Variants in SRRM1 observed in about 807,000 individuals in gnomAD.
SRRM1 encodes the protein serine/arginine repetitive matrix protein 1.
SRRM1 carries 19 observed loss-of-function variants against 110.2 expected under a neutral mutation model. The ratio of observed to expected loss-of-function variants is 0.17; its 90% CI spans 0.12 to 0.25. SRRM1 has a LOEUF of 0.25. Among genes scored for constraint, SRRM1 ranks in the 10% least tolerant of loss-of-function variants. The pLI is 1.00. For synonymous variants in SRRM1, 443 were observed against 414.9 expected (o/e 1.07, Z -0.82); for missense variants, 918 against 1,145.8 (o/e 0.80, Z 2.87).
At chr1:24,659,276 G>A (rs756024476) in intron 9 of SRRM1, among the ~76,000 whole-genome samples, 7 of 152,028 alleles carry the variant, frequency 4.6e-5, no homozygotes, top group Non-Finnish European at 1.0e-4. Context: ...GACTTCTTTA[G>A]CAAAGATGCG....
Position 24,666,922 on chromosome 1 carries a change from G to A in SRRM1, c.1736G>A (p.Arg579Gln), listed in dbSNP as rs199920108. Residue 579 changes from arginine (R) to glutamine (Q), a missense_variant, in exon 13 of 17, where the codon CGA becomes CAA. By Grantham distance (43) the Arg-to-Gln change is conservative (BLOSUM62 1). Coordinates refer to ENST00000323848, the MANE Select transcript of SRRM1 (RefSeq NM_005839.4). ...RRRTPTPPPR[R>Q]RTPSPPPRRR... ...AGGACTCCCACACCACCACCACGAC[G>A]AAGGTACTTTGTCAAATATGCTAAC... The A allele has an allele frequency of 1.2e-5, 19 of 1,599,708 alleles. No individual in the cohort carries two copies. The East Asian group carries it at 1.3e-4, about 11-fold the overall frequency.
In SRRM1 at chr1:24,662,518, T is replaced by C. The variant is rs191103605; in HGVS notation, c.1484-142T>C. On this transcript the variant is annotated intron_variant, in intron 11 of 16. Coordinates refer to ENST00000323848, the MANE Select transcript of SRRM1 (RefSeq NM_005839.4). ...GGCTTTGAAATCATTGATCATATATTGATAATGATTCTGTTCAGAACTGAT... is the reference window on the plus strand; with the variant it reads ...GGCTTTGAAATCATTGATCATATATCGATAATGATTCTGTTCAGAACTGAT... The C allele has an allele frequency of 1.9e-5, 12 of 635,014 alleles. No homozygotes were observed. In the Admixed American group the frequency reaches 2.4e-4, roughly 13 times the overall value. 39.3% of individuals were successfully genotyped at this position (635,014 alleles called of 1,614,324 possible). A position where few individuals can be genotyped will look rare whatever the true frequency, so the allele number is the denominator to read the frequency against.
At chr1:24,669,685 T>G in intron 14 of SRRM1, 98 bp downstream of exon 14, 1 of 956,980 alleles carries the variant, frequency 1.0e-6, no homozygotes, top group Non-Finnish European at 1.5e-6. Context: ...AAGTTATGAA[T>G]ATGAGCTTTT....
rs1218586830 is a variant in SRRM1 at position 24,672,076 on chromosome 1, AG to A, written c.2611-105del. On this transcript the variant is annotated intron_variant, in intron 16 of 16. Coordinates refer to ENST00000323848, the MANE Select transcript of SRRM1 (RefSeq NM_005839.4). ...CTCCCTGCTCCCCCTACCCCACAAC[AG>A]TCCCCGGTGTGTGATGTTCCCCTCC... The A allele has an allele frequency of 4.4e-5, 36 of 818,174 alleles. 1 individual carries two copies. The Middle Eastern group carries it at 9.3e-4, about 21-fold the overall frequency. 50.7% of individuals were successfully genotyped at this position (818,174 alleles called of 1,614,324 possible).
intron 1 of SRRM1, 179 bp downstream of exon 1, chr1:24,643,526 T>C (rs1570598780): frequency 2.2e-6 from 1 of 447,894 alleles, no homozygotes; most frequent in Non-Finnish European, 3.6e-6. Context: ...GGTGCGCCCC[T>C]GCGCAGTCTC....
chr1:24,647,688 A>AC (rs1486305218), intron 3 of SRRM1: 2 of 152,650 alleles, frequency 1.3e-5, no homozygotes, highest in Non-Finnish European at 2.9e-5. Context: ...AACAGTTGGC[A>AC]TTTCAACTGA....
intron 8 of SRRM1, among the ~76,000 whole-genome samples, chr1:24,653,846 T>G (rs1415551933): frequency 6.6e-6 from 1 of 152,186 alleles, no homozygotes; most frequent in Non-Finnish European, 1.5e-5. Flanking sequence ...ATTTTTTGTT[T>G]GAGTCTTTTA....
At position 24,669,571 on chromosome 1, in the gene SRRM1, C is replaced by G; in HGVS notation, c.2188C>G (p.Pro730Ala). 1.3e-6 allele frequency: 2 copies of G among 1,567,982 alleles called. No individual in the cohort carries two copies. Among genetic ancestry groups the G allele is most frequent in the Non-Finnish European group, 1.7e-6 (2 of 1,154,250 alleles). The change falls in exon 14 of 17, where the codon CCT (proline) becomes GCT (alanine). Residue 730 changes from proline to alanine, a missense_variant. Transcript: ENST00000323848. ...PIRRVSRTPE[P>A]KKIKKAASPS... ...TAGGAGAGTCTCCAGGACTCCGGAA[C>G]CTAAAAAGATAAAAAAGTAAAAATA...
intron 10 of SRRM1, 138 bp from the exon 11 acceptor site, chr1:24,661,172 T>C: frequency 1.7e-6 from 1 of 602,592 alleles, no homozygotes; most frequent in Admixed American, 3.0e-5. Context: ...CATTTTAAAC[T>C]CTTTTTAAAA....
At chr1:24,646,156 G>C in intron 2 of SRRM1, 83 bp downstream of exon 2, 1 of 1,013,782 alleles carries the variant, frequency 9.9e-7, no homozygotes, top group South Asian at 1.3e-5. Flanking sequence ...GAGATGCATT[G>C]TAACTTGAAT....
At chr1:24,650,115 T>A in intron 5 of SRRM1, 29 bp downstream of exon 5, 1 of 1,497,554 alleles carries the variant, frequency 6.7e-7, no homozygotes, top group Non-Finnish European at 8.9e-7. Flanking sequence ...ATAACTGATG[T>A]TTTACAGGTA....
Position 24,670,228 on chromosome 1 carries a change from C to G in SRRM1, c.2313C>G (p.Val771=), listed in dbSNP as rs1409780573. The G allele has an allele frequency of 1.2e-6, 2 of 1,614,176 alleles. No individual in the cohort carries two copies. The highest frequency in any genetic ancestry group is 1.3e-5 in the African/African-American group (1 of 75,036). The part of the protein sequence containing the change: ...AKKPPAPPSP[V]QSQSPSTNWS... ...AGCCCCCAGCACCTCCATCCCCCGT[C>G]CAGTCTCAGTCACCGTCTACAAACT... The change falls in exon 15 of 17, where the codon GTC becomes GTG. Residue 771 remains valine, a synonymous_variant. Transcript: ENST00000323848.
At chr1:24,666,487 C>A (rs1346000392) in intron 12 of SRRM1, 4 of 239,904 alleles carry the variant, frequency 1.7e-5, no homozygotes, top group Non-Finnish European at 8.2e-6. Flanking sequence ...ATAGGCCAGG[C>A]GTGGTAACTC....
chr1:24,660,232 C>G (rs980026945), intron 9 of SRRM1, among the ~76,000 whole-genome samples: 1 of 152,084 alleles, frequency 6.6e-6, no homozygotes, highest in African/African-American at 2.4e-5. Flanking sequence ...TTGTGGAGCT[C>G]GTGTAGCACA....
At chr1:24,647,363 ATTG>A (rs1658197464) in intron 3 of SRRM1, 1 of 152,606 alleles carries the variant, frequency 6.6e-6, no homozygotes, top group Non-Finnish European at 1.5e-5. Context: ...TTGATTGGAT[ATTG>A]TTTTTAAAGG....
Position 24,669,509 on chromosome 1 carries a change from A to G in SRRM1, c.2126A>G (p.Gln709Arg), listed in dbSNP as rs375050673. The part of the protein sequence containing the change: ...PVRRGASSSP[Q>R]RRQSPSPSTR... ...CGAAGAGGAGCGTCGTCATCACCCC[A>G]AAGAAGGCAGTCCCCGTCTCCAAGT... The change falls in exon 14 of 17, where the codon CAA becomes CGA. Residue 709 changes from glutamine (Q) to arginine (R), a missense_variant. Coordinates refer to ENST00000323848, the MANE Select transcript of SRRM1 (RefSeq NM_005839.4). The G allele has an allele frequency of 1.2e-6, 2 of 1,611,246 alleles. No individual in the cohort carries two copies. Among genetic ancestry groups the G allele is most frequent in the East Asian group, 2.2e-5 (1 of 44,774 alleles).
At chr1:24,668,138 G>C (rs1409912087) in intron 13 of SRRM1, among the ~76,000 whole-genome samples, 1 of 151,296 alleles carries the variant, frequency 6.6e-6, no homozygotes. Flanking sequence ...CACCCAGCCA[G>C]TTTTTGTATT....
intron 1 of SRRM1, chr1:24,643,653 C>T: frequency 2.7e-6 from 1 of 375,416 alleles, no homozygotes; most frequent in Non-Finnish European, 4.7e-6. Flanking sequence ...AGGCCGAGCG[C>T]CGTGCGTGCC....
In SRRM1 at chr1:24,643,490, C is replaced by G. The variant is rs969470072; in HGVS notation, c.21+143C>G. ...CCTCCTAGAGCCGGCGCACCCCCCCCCCCCCCGTGCGCTGCGGCGGAGACC... is the reference window on the plus strand; with the variant it reads ...CCTCCTAGAGCCGGCGCACCCCCCCGCCCCCCGTGCGCTGCGGCGGAGACC... On this transcript the variant is annotated intron_variant, in intron 1 of 16. Coordinates refer to ENST00000323848, the MANE Select transcript of SRRM1 (RefSeq NM_005839.4). 3.4e-4 allele frequency: 196 copies of G among 576,052 alleles called. 4 individuals are homozygous for G. The highest frequency in any genetic ancestry group is 3.7e-4 in the Non-Finnish European group (143 of 390,124). The allele number at this position is 576,052 out of a possible 1,614,324, so 35.7% of individuals were successfully genotyped here.
Sources: gnomAD v4.1 joint callset for allele counts (sites outside exome capture counted in the v4.1 genomes callset) on GRCh38, gnomAD v4.1.1 for gene constraint, MANE v1.5 for transcripts, NCBI Gene and HGNC (gene_info 2026-07-23, HGNC 2026-07-21) for gene names.